Variants in GRK5 observed in about 807,000 individuals in gnomAD.
GRK5 encodes G protein-coupled receptor kinase 5.
In GRK5, 40 loss-of-function variants were observed where a neutral mutation model predicts 78.4. The ratio of observed to expected loss-of-function variants is 0.51; its 90% CI spans 0.40 to 0.66. GRK5 has a LOEUF of 0.66. Among genes scored for constraint, GRK5 ranks in the 30% least tolerant of loss-of-function variants. The pLI, the probability that GRK5 is intolerant of heterozygous loss-of-function variation, is 0.00. For synonymous variants in GRK5, 289 were observed against 296.8 expected (o/e 0.97, Z 0.27); for missense variants, 598 against 759.9 (o/e 0.79, Z 2.50).
rs2133674928 is a variant in GRK5, at chr10:119,271,694, G to A, written c.53-54822G>A. On this transcript the variant is annotated intron_variant, in intron 1 of 15. Coordinates refer to ENST00000392870, the MANE Select transcript of GRK5 (RefSeq NM_005308.3). The surrounding 1 kb of genome is among the most constrained non-coding windows in gnomAD (Gnocchi z 4.1). ...AACGTGGGGCCTTTGACTCGTCAGG[G>A]AAAAACAGGTGTGTGAGCACTAGGT... 6.6e-6 allele frequency among the ~76,000 whole-genome samples: 1 copy of A among 152,300 alleles called. No homozygotes were observed. Among genetic ancestry groups the A allele is most frequent in the East Asian group, 1.9e-4 (1 of 5,184 alleles).
intron 3 of GRK5, among the ~76,000 whole-genome samples, chr10:119,394,274 G>GTGTGTGTGAGTAT (rs1564916899): frequency 5.6e-4 from 16 of 28,420 alleles, no homozygotes; most frequent in East Asian, 1.9e-3. Flanking sequence ...GTGTGTGTGG[G>GTGTGTGTGAGTAT]CGTGTGTGTG....
At chr10:119,374,594 G>A (rs1422433542) in intron 2 of GRK5, among the ~76,000 whole-genome samples, 1 of 152,224 alleles carries the variant, frequency 6.6e-6, no homozygotes, top group Non-Finnish European at 1.5e-5. Flanking sequence ...CCCAAGACGT[G>A]TGTTGCTTAT....
intron 2 of GRK5, among the ~76,000 whole-genome samples, chr10:119,369,460 G>C (rs1039990344): frequency 6.6e-6 from 1 of 152,168 alleles, no homozygotes; most frequent in African/African-American, 2.4e-5. Context: ...GAGCAGCTGC[G>C]CATTCCCCAG....
intron 1 of GRK5, among the ~76,000 whole-genome samples, chr10:119,261,715 A>G (rs977933633): frequency 1.1e-4 from 17 of 152,262 alleles, no homozygotes; most frequent in Admixed American, 3.9e-4. Flanking sequence ...CGGCCAACAC[A>G]GCGAAACCCC....
At chr10:119,226,269 T>A (rs1371871903) in intron 1 of GRK5, among the ~76,000 whole-genome samples, 1 of 151,214 alleles carries the variant, frequency 6.6e-6, no homozygotes, top group Non-Finnish European at 1.5e-5. Context: ...TGAGCCACTG[T>A]GCCTGGCATC....
rs1480668654 is a variant in GRK5 at position 119,457,258 on chromosome 10, C to G, written c.*2191C>G. 6.6e-6 allele frequency: 1 copy of G among 152,224 alleles called. No individual in the cohort carries two copies. The highest frequency in any genetic ancestry group is 1.5e-5 in the Non-Finnish European group (1 of 68,084). The allele number at this position is 152,224 out of a possible 1,614,324, so 9.4% of individuals were successfully genotyped here. A position where few individuals can be genotyped will look rare whatever the true frequency, so the allele number is the denominator to read the frequency against. On this transcript the variant is annotated 3_prime_UTR_variant, in exon 16 of 16. Coordinates refer to ENST00000392870, the MANE Select transcript of GRK5 (RefSeq NM_005308.3). ...TCCTTTTGCCCAGTTCATAGCAGCT[C>G]AGTCCTTACCAGATGGATTCTTGGT...
chr10:119,448,062 A>T, intron 12 of GRK5, 61 bp from the exon 13 acceptor site: 1 of 1,475,672 alleles, frequency 6.8e-7, no homozygotes, highest in Non-Finnish European at 9.0e-7. Flanking sequence ...CTGTGGAGGC[A>T]GGAGGTCCGG....
chr10:119,223,520 TGA>T (rs1334869027), intron 1 of GRK5, among the ~76,000 whole-genome samples: 2 of 152,134 alleles, frequency 1.3e-5, no homozygotes, highest in Admixed American at 1.3e-4. Flanking sequence ...GTGGGTTTTC[TGA>T]GTGCCTTCTG....
At chr10:119,394,518 GGT>G (rs147544020) in intron 3 of GRK5, among the ~76,000 whole-genome samples, 1 of 11,154 alleles carries the variant, frequency 9.0e-5, no homozygotes, top group Non-Finnish European at 1.7e-4. Context: ...CGTGTGTGTG[GGT>G]GTGTGTGGGT....
In GRK5 at chr10:119,267,554, A is replaced by G. The variant is rs1751244466; in HGVS notation, c.53-58962A>G. Among the ~76,000 whole-genome samples the G allele has an allele frequency of 6.6e-6, 1 of 152,208 alleles. No individual in the cohort carries two copies. The highest frequency in any genetic ancestry group is 2.1e-4 in the South Asian group (1 of 4,828). On this transcript the variant is annotated intron_variant, in intron 1 of 15. Coordinates refer to ENST00000392870, the MANE Select transcript of GRK5 (RefSeq NM_005308.3). The surrounding 1 kb of genome is among the most constrained non-coding windows in gnomAD (Gnocchi z 4.1). ...TGGGCAGCCCTCTCCACAGGATGGC[A>G]AGGGGCTGGAGGCTCAGCGGACGGG...
chr10:119,299,395 T>C (rs906058506), intron 1 of GRK5, among the ~76,000 whole-genome samples: 39 of 150,188 alleles, frequency 2.6e-4, no homozygotes, highest in Non-Finnish European at 1.9e-4. Context: ...ATCACGCCAC[T>C]GCACTCCAGC....
rs1283206763 is a variant in GRK5, at chr10:119,452,112, A to G, written c.1405-559A>G. Among the ~76,000 whole-genome samples, 1 of 152,186 alleles carries G rather than the reference A, an allele frequency of 6.6e-6. No homozygotes were observed. Among genetic ancestry groups the G allele is most frequent in the African/African-American group, 2.4e-5 (1 of 41,456 alleles). ...GAGTAAGGCAAAAGATATGCCTACC[A>G]TAATAATACCAGCTCCCAGTTACGG... On this transcript the variant is annotated intron_variant, in intron 13 of 15. Transcript: ENST00000392870. This position sits in a 1 kb window ranked among gnomAD's most constrained non-coding sequence, Gnocchi z 4.4.
At chr10:119,428,869 A>G (rs1219315659) in intron 6 of GRK5, among the ~76,000 whole-genome samples, 1 of 152,148 alleles carries the variant, frequency 6.6e-6, no homozygotes, top group Non-Finnish European at 1.5e-5. Flanking sequence ...TTTTCCTCCC[A>G]AGGTTAACCA....
intron 2 of GRK5, among the ~76,000 whole-genome samples, chr10:119,356,023 G>A (rs1851258189): frequency 6.6e-6 from 1 of 152,206 alleles, no homozygotes; most frequent in Admixed American, 6.5e-5. Context: ...AGCTGATAAA[G>A]TAAGATAATA....
At chr10:119,382,371 CAATT>C (rs1174920150) in intron 3 of GRK5, among the ~76,000 whole-genome samples, 1 of 152,152 alleles carries the variant, frequency 6.6e-6, no homozygotes, top group Non-Finnish European at 1.5e-5. Flanking sequence ...AAGCCCAGAC[CAATT>C]AATTTGAATC....
At chr10:119,318,657 G>A (rs1401683781) in intron 1 of GRK5, among the ~76,000 whole-genome samples, 6 of 152,144 alleles carry the variant, frequency 3.9e-5, no homozygotes, top group Non-Finnish European at 5.9e-5. Context: ...CACCCCAGCC[G>A]CATCCCACTG....
chr10:119,338,969 G>A (rs1021016858), intron 2 of GRK5, among the ~76,000 whole-genome samples: 3 of 152,098 alleles, frequency 2.0e-5, no homozygotes, highest in Admixed American at 6.5e-5. Flanking sequence ...TTTGATCTAT[G>A]GCTCAAAGTA....
intron 1 of GRK5, among the ~76,000 whole-genome samples, chr10:119,226,708 CT>C (rs1412777478): frequency 2.7e-5 from 4 of 147,998 alleles, no homozygotes; most frequent in East Asian, 2.0e-4. Flanking sequence ...CCATGCCCGG[CT>C]TTTTTTTTTC....
intron 1 of GRK5, among the ~76,000 whole-genome samples, chr10:119,263,738 A>G (rs1849449157): frequency 6.6e-6 from 1 of 152,156 alleles, no homozygotes; most frequent in East Asian, 1.9e-4. Flanking sequence ...ACTGGCTAAC[A>G]TGGTGAAACC....
Sources: gnomAD v4.1 joint callset for allele counts (sites outside exome capture counted in the v4.1 genomes callset) on GRCh38, gnomAD v4.1.1 for gene constraint, Gnocchi (gnomAD v3.1) non-coding constraint, MANE v1.5 for transcripts, NCBI Gene and HGNC (gene_info 2026-07-23, HGNC 2026-07-21) for gene names.